Variants in MYCBP2 observed in about 807,000 individuals in gnomAD.
MYCBP2 encodes the protein MYC binding protein 2.
Under a neutral mutation model 525.3 loss-of-function variants are expected in MYCBP2, and 120 were observed. The ratio of observed to expected loss-of-function variants is 0.23; its 90% CI spans 0.20 to 0.27. The LOEUF is 0.27. Ranked by LOEUF, MYCBP2 falls within the 10% of genes least tolerant of loss-of-function variation. The probability of loss-of-function intolerance (pLI) is 1.00; values close to 1 mark genes in which losing one functional copy is unlikely to be tolerated. For missense variants in MYCBP2, 4,149 were observed against 5,657.1 expected (o/e 0.73, Z 8.55); for synonymous variants, 1,894 against 1,955.8 (o/e 0.97, Z 0.83).
intron 7 of MYCBP2, 34 bp from the exon 8 acceptor site, chr13:77,267,971 T>C (rs960331837): frequency 5.6e-6 from 8 of 1,424,166 alleles, no homozygotes; most frequent in Admixed American, 1.7e-5. Context: ...TGTTAAAATA[T>C]TTATTACTAA....
intron 59 of MYCBP2, 54 bp downstream of exon 59, chr13:77,093,111 G>T: frequency 1.4e-5 from 21 of 1,508,388 alleles, no homozygotes; most frequent in Non-Finnish European, 1.8e-5. Context: ...CTAGTTCAAA[G>T]TCTTTCTTCC....
chr13:77,165,656 C>T (rs1207438187), intron 41 of MYCBP2, among the ~76,000 whole-genome samples: 2 of 152,106 alleles, frequency 1.3e-5, no homozygotes, highest in East Asian at 3.8e-4. Flanking sequence ...TAATAAAGTA[C>T]TTCAGTTACA....
At chr13:77,232,480 T>C (rs1446232416) in intron 18 of MYCBP2, among the ~76,000 whole-genome samples, 5 of 152,176 alleles carry the variant, frequency 3.3e-5, no homozygotes, top group African/African-American at 9.7e-5. Flanking sequence ...AAAATAAGCA[T>C]GCTTTAAGAA....
chr13:77,158,201 T>C lies in MYCBP2; in HGVS notation c.6598-92A>G, dbSNP rs567181769. 97 of 686,730 alleles carry C rather than the reference T, an allele frequency of 1.4e-4. No homozygotes were observed. The African/African-American group carries it at 1.6e-3, about 11-fold the overall frequency. 42.5% of individuals were successfully genotyped at this position (686,730 alleles called of 1,614,324 possible). ...ACATGCAGATACTTTCAGATAGGCC[T>C]TTACGGAGAAATCATTTTCTCCACG... On this transcript the variant is annotated intron_variant, in intron 44 of 82. Coordinates refer to ENST00000544440, the MANE Select transcript of MYCBP2 (RefSeq NM_015057.5).
At chr13:77,099,944 C>A (rs748908622) in intron 55 of MYCBP2, 7 of 152,100 alleles carry the variant, frequency 4.6e-5, no homozygotes, top group Non-Finnish European at 1.0e-4. Context: ...GCCAGGCTGT[C>A]TGTGACCCAA....
At position 77,081,684 on chromosome 13, in the gene MYCBP2, T is replaced by A. The variant is rs1312447680; in HGVS notation, c.11194-33A>T. 1.3e-6 allele frequency: 2 copies of A among 1,561,156 alleles called. No individual in the cohort carries two copies. Among genetic ancestry groups the A allele is most frequent in the Non-Finnish European group, 1.7e-6 (2 of 1,152,372 alleles). ...AAACAAATATAAGTACTTATGATAC[T>A]TAAAAGCAAATCTTTCGTGATGATA... On this transcript the variant is annotated intron_variant, in intron 64 of 82. Transcript: ENST00000544440. The surrounding 1 kb of genome is among the most constrained non-coding windows in gnomAD (Gnocchi z 4.6).
At chr13:77,281,953 T>C (rs1481662849) in intron 3 of MYCBP2, among the ~76,000 whole-genome samples, 1 of 152,154 alleles carries the variant, frequency 6.6e-6, no homozygotes. Flanking sequence ...CATATTACCA[T>C]AGAGTGAAGT....
At chr13:77,136,012 T>G (rs905151646) in intron 52 of MYCBP2, among the ~76,000 whole-genome samples, 2 of 152,084 alleles carry the variant, frequency 1.3e-5, no homozygotes, top group African/African-American at 4.8e-5. Flanking sequence ...ATTTTTGTAT[T>G]TTTAGTAGAG....
chr13:77,166,622 GTA>G lies in MYCBP2; in HGVS notation c.6115-70_6115-69del, dbSNP rs1283094368. Reference sequence around the variant, plus strand: ...TACACAAACATACACATCTGCATCTGTATGTGTGTGTGTGTCTATGCTTTTAT... The same window carrying G: ...TACACAAACATACACATCTGCATCTGTGTGTGTGTGTGTCTATGCTTTTAT... On this transcript the variant is annotated intron_variant, in intron 40 of 82. Coordinates refer to ENST00000544440, the MANE Select transcript of MYCBP2 (RefSeq NM_015057.5). 4.9e-6 allele frequency: 5 copies of G among 1,014,746 alleles called. No individual in the cohort carries two copies. In the African/African-American group the frequency reaches 6.4e-5, roughly 13 times the overall value. The allele number at this position is 1,014,746 out of a possible 1,614,324, so 62.9% of individuals were successfully genotyped here. A position where few individuals can be genotyped will look rare whatever the true frequency, so the allele number is the denominator to read the frequency against.
intron 37 of MYCBP2, among the ~76,000 whole-genome samples, chr13:77,172,185 C>T (rs2059207219): frequency 6.6e-6 from 1 of 152,014 alleles, no homozygotes; most frequent in Non-Finnish European, 1.5e-5. Flanking sequence ...AGGAGTGAGC[C>T]GCGCACCCAG....
rs144978250 is a variant in MYCBP2, at chr13:77,098,973, A to G, written c.8181T>C (p.Ser2727=). Residue 2727 remains serine, a synonymous_variant, in exon 56 of 83, where the codon TCT becomes TCC. Coordinates refer to ENST00000544440, the MANE Select transcript of MYCBP2 (RefSeq NM_015057.5). The part of the protein sequence containing the change: ...GNISTSSKPA[S]TSGKSELSSK... Reference sequence around the variant, plus strand: ...AGGACAGCTCTGATTTTCCTGATGTAGAGGCTGGTTTAGAAGATGTTGAGA... The same window carrying G: ...AGGACAGCTCTGATTTTCCTGATGTGGAGGCTGGTTTAGAAGATGTTGAGA... 4 of 1,611,446 alleles carry G rather than the reference A, an allele frequency of 2.5e-6. No individual in the cohort carries two copies. The East Asian group carries it at 8.9e-5, about 36-fold the overall frequency.
At chr13:77,221,235 A>G (rs2065513516) in intron 20 of MYCBP2, among the ~76,000 whole-genome samples, 3 of 152,200 alleles carry the variant, frequency 2.0e-5, no homozygotes. Context: ...GCAATTTAAA[A>G]TATTGAGCAT....
At chr13:77,051,720 G>T in intron 81 of MYCBP2, 91 bp downstream of exon 81, 2 of 902,128 alleles carry the variant, frequency 2.2e-6, no homozygotes, top group Non-Finnish European at 3.4e-6. Context: ...GAGGAGAAAA[G>T]CCTGATTTAC....
rs892489218 is a variant in MYCBP2, at chr13:77,180,757, G to GT, written c.4942-440dup. Among the ~76,000 whole-genome samples, 151 of 152,040 alleles carry GT rather than the reference G, an allele frequency of 9.9e-4. 1 individual carries two copies. The highest frequency in any genetic ancestry group is 9.9e-4 in the Non-Finnish European group (67 of 67,926). ...TAGTAAGACTTTGTCTCTACAAAAT[G>GT]TTTTTTTAAAAAGTTAGCTGGGTGT... On this transcript the variant is annotated intron_variant, in intron 33 of 82. Transcript: ENST00000544440.
rs1158777274 is a variant in MYCBP2 at position 77,097,501 on chromosome 13, C to T, written c.9653G>A (p.Arg3218Lys). 5.0e-6 allele frequency: 8 copies of T among 1,612,848 alleles called. No homozygotes were observed. Among genetic ancestry groups the T allele is most frequent in the Non-Finnish European group, 6.8e-6 (8 of 1,179,488 alleles). Residue 3218 changes from arginine to lysine, a missense_variant, in exon 56 of 83, where the codon AGG (arginine) becomes AAG (lysine). By Grantham distance (26) the Arg-to-Lys change is conservative. Coordinates refer to ENST00000544440, the MANE Select transcript of MYCBP2 (RefSeq NM_015057.5). The part of the protein sequence containing the change: ...EKKKKEKAEV[R>K]PRGNLFGEMA... ...CTCTCCAAACAAATTACCCCTGGGC[C>T]TAACTTCTGCCTTTTCTTTTTTCTT...
intron 21 of MYCBP2, among the ~76,000 whole-genome samples, chr13:77,213,876 G>A (rs1392468429): frequency 6.6e-6 from 1 of 152,202 alleles, no homozygotes; most frequent in Non-Finnish European, 1.5e-5. Context: ...TGATCTCTAT[G>A]TTTCCTGTAA....
intron 71 of MYCBP2, among the ~76,000 whole-genome samples, chr13:77,066,819 T>A (rs2154079330): frequency 6.6e-6 from 1 of 152,286 alleles, no homozygotes; most frequent in African/African-American, 2.4e-5. Flanking sequence ...AGTGAGGTGT[T>A]TTCATTTGTT....
chr13:77,191,031 G>A (rs1471300555), intron 28 of MYCBP2, among the ~76,000 whole-genome samples: 2 of 152,134 alleles, frequency 1.3e-5, no homozygotes, highest in Non-Finnish European at 2.9e-5. Flanking sequence ...ATATTGAAAT[G>A]TTGGATTTAG....
chr13:77,178,206 T>A (rs558180048), intron 34 of MYCBP2, among the ~76,000 whole-genome samples: 1 of 152,352 alleles, frequency 6.6e-6, no homozygotes, highest in South Asian at 2.1e-4. Context: ...TAATTTATAA[T>A]GTCAGAAGTA....
Sources: gnomAD v4.1 joint callset for allele counts (sites outside exome capture counted in the v4.1 genomes callset) on GRCh38, gnomAD v4.1.1 for gene constraint, Gnocchi (gnomAD v3.1) non-coding constraint, MANE v1.5 for transcripts, NCBI Gene and HGNC (gene_info 2026-07-23, HGNC 2026-07-21) for gene names.